Variants in WIPF3 observed in about 807,000 individuals in gnomAD.
The protein encoded by WIPF3 is WAS/WASL interacting protein family member 3, also known as WAS/WASL-interacting protein family member 3.
Under a neutral mutation model 38.9 loss-of-function variants are expected in WIPF3, and 33 were observed. The ratio of observed to expected loss-of-function variants is 0.85; its 90% CI spans 0.64 to 1.14. The LOEUF is 1.14. WIPF3 is among the 50% of genes most tolerant of loss of function. The pLI, the probability that WIPF3 is intolerant of heterozygous loss-of-function variation, is 0.00. For missense variants in WIPF3, 711 were observed against 652.5 expected, an observed-to-expected ratio of 1.09 and a Z score of -0.98; for synonymous variants, 324 against 269.3, an observed-to-expected ratio of 1.20 and a Z score of -1.99.
Position 29,884,263 on chromosome 7 carries a change from C to CG in WIPF3, c.769_770insG (p.Leu257ArgfsTer61). 1.3e-6 allele frequency: 2 copies of CG among 1,506,552 alleles called. No individual in the cohort carries two copies. Among genetic ancestry groups the CG allele is most frequent in the Non-Finnish European group, 1.8e-6 (2 of 1,118,274 alleles). The allele number at this position is 1,506,552 out of a possible 1,614,324, so 93.3% of individuals were successfully genotyped here. A position where few individuals can be genotyped will look rare whatever the true frequency, so the allele number is the denominator to read the frequency against. On this transcript the variant is annotated frameshift_variant, in exon 5 of 9. Transcript: ENST00000242140. LOFTEE classifies it high-confidence loss of function. ...GAAGCCTCAGCTGGCTCCCTTGCAC[C>CG]TCCCGCCCATCCCGCCCCCGCTCCC...
At chr7:29,829,273 C>T (rs148728619) in intron 1 of WIPF3, among the ~76,000 whole-genome samples, 132 of 142,604 alleles carry the variant, frequency 9.3e-4, no homozygotes, top group African/African-American at 3.2e-3. Flanking sequence ...GGTGCAGTGG[C>T]GCAATCTAGG....
intron 1 of WIPF3, among the ~76,000 whole-genome samples, chr7:29,812,929 TA>T (rs905403763): frequency 1.3e-5 from 2 of 152,272 alleles, no homozygotes; most frequent in South Asian, 2.1e-4. Context: ...TAAAGATTCC[TA>T]AATCGCTATT....
At position 29,916,030 on chromosome 7, in the gene WIPF3, C is replaced by T. The variant is rs1303929353; in HGVS notation, c.*1514C>T. 1 of 152,264 alleles carries T rather than the reference C, an allele frequency of 6.6e-6. No homozygotes were observed. The highest frequency in any genetic ancestry group is 1.9e-4 in the East Asian group (1 of 5,198). The allele number at this position is 152,264 out of a possible 1,614,324, so 9.4% of individuals were successfully genotyped here. On this transcript the variant is annotated 3_prime_UTR_variant, in exon 9 of 9. Coordinates refer to ENST00000242140, the MANE Select transcript of WIPF3 (RefSeq NM_001080529.3). ...TCTGCCTCACTGTTGTCTGGAGTAA[C>T]GACTCAGGTGGTGTCCTGCAGCAGT... is the stretch of plus-strand genomic sequence containing the variant.
intron 2 of WIPF3, among the ~76,000 whole-genome samples, chr7:29,842,680 A>G (rs1302596365): frequency 6.6e-6 from 1 of 152,162 alleles, no homozygotes; most frequent in Non-Finnish European, 1.5e-5. Context: ...CAATCTGTGA[A>G]AGAAAATGGA....
intron 2 of WIPF3, among the ~76,000 whole-genome samples, chr7:29,840,216 AC>A (rs1784892234): frequency 6.6e-6 from 1 of 151,960 alleles, no homozygotes; most frequent in South Asian, 2.1e-4. Context: ...AACTTCCTGG[AC>A]CCTGTTGAGC....
chr7:29,910,880 C>T lies in WIPF3; in HGVS notation c.1429-3613C>T, dbSNP rs536713914. Among the ~76,000 whole-genome samples, 11 of 152,218 alleles carry T rather than the reference C, an allele frequency of 7.2e-5. No individual in the cohort carries two copies. In the South Asian group the frequency reaches 1.7e-3, roughly 23 times the overall value. On this transcript the variant is annotated intron_variant, in intron 8 of 8. Coordinates refer to ENST00000242140, the MANE Select transcript of WIPF3 (RefSeq NM_001080529.3). ...ACAAGGCAAGGATGCCTGCTTTCAT[C>T]GCTTCTATTCAACATAGTACTGGAA...
rs201706623 is a variant in WIPF3 at position 29,879,060 on chromosome 7, C to T, written c.275C>T (p.Ala92Val). 1.1e-4 allele frequency: 173 copies of T among 1,608,840 alleles called. No individual in the cohort carries two copies. The highest frequency in any genetic ancestry group is 3.3e-4 in the African/African-American group (25 of 74,998). The change falls in exon 4 of 9, where the codon GCG becomes GTG. Residue 92 changes from alanine (A) to valine (V), a missense_variant. Transcript: ENST00000242140. ...GGAGGTTCTGCAAACACACGAGGCGCGAGCACACCTCCCACCCTGGGAGAT... is the reference window on the plus strand; with the variant it reads ...GGAGGTTCTGCAAACACACGAGGCGTGAGCACACCTCCCACCCTGGGAGAT... Reference protein sequence around the residue: ...EGGGSANTRGASTPPTLGDLF... With the variant: ...EGGGSANTRGVSTPPTLGDLF...
intron 1 of WIPF3, among the ~76,000 whole-genome samples, chr7:29,818,113 T>G (rs1784483351): frequency 6.6e-6 from 1 of 152,184 alleles, no homozygotes; most frequent in Admixed American, 6.5e-5. Context: ...TTTTTGGAGT[T>G]TATTGGTTTG....
chr7:29,914,462 C>T, intron 8 of WIPF3, 31 bp from the exon 9 acceptor site: 1 of 1,481,342 alleles, frequency 6.8e-7, no homozygotes, highest in Non-Finnish European at 9.0e-7. Context: ...CTTCTAACTC[C>T]ACCTGGTAAT....
chr7:29,882,588 G>A (rs1360779481), intron 4 of WIPF3, among the ~76,000 whole-genome samples: 1 of 152,164 alleles, frequency 6.6e-6, no homozygotes, highest in Non-Finnish European at 1.5e-5. Flanking sequence ...GCCGTGCTTT[G>A]ATTGGCCTGG....
rs1785648849 is a variant in WIPF3 at position 29,878,395 on chromosome 7, T to C, written c.224-614T>C. Among the ~76,000 whole-genome samples, 1 of 152,188 alleles carries C rather than the reference T, an allele frequency of 6.6e-6. No individual in the cohort carries two copies. The highest frequency in any genetic ancestry group is 2.4e-5 in the African/African-American group (1 of 41,450). ...TGGTAATCACACATGTCTGGAAGGC[T>C]GGAGTTAGTGACACCTTTCCTCAGG... On this transcript the variant is annotated intron_variant, in intron 3 of 8. Transcript: ENST00000242140. The surrounding 1 kb of genome is among the most constrained non-coding windows in gnomAD (Gnocchi z 4.0).
chr7:29,842,343 T>C (rs1357950947), intron 2 of WIPF3, among the ~76,000 whole-genome samples: 1 of 152,234 alleles, frequency 6.6e-6, no homozygotes, highest in Non-Finnish European at 1.5e-5. Flanking sequence ...CTTTTTACCA[T>C]GAAAAGCAAC....
chr7:29,897,104 G>T (rs1786160581), intron 7 of WIPF3, among the ~76,000 whole-genome samples: 1 of 151,980 alleles, frequency 6.6e-6, no homozygotes, highest in African/African-American at 2.4e-5. Flanking sequence ...TTTTAAGCCT[G>T]GTTTATTTTA....
At chr7:29,841,526 T>C (rs1008340180) in intron 2 of WIPF3, among the ~76,000 whole-genome samples, 1 of 152,160 alleles carries the variant, frequency 6.6e-6, no homozygotes, top group East Asian at 1.9e-4. Flanking sequence ...TAAAATTCAA[T>C]GTTGTCTGGC....
At chr7:29,907,625 G>A (rs1315641809) in intron 8 of WIPF3, among the ~76,000 whole-genome samples, 1 of 152,134 alleles carries the variant, frequency 6.6e-6, no homozygotes, top group Non-Finnish European at 1.5e-5. Flanking sequence ...TATAAAATAG[G>A]CATGAGGGAG....
chr7:29,874,472 A>G (rs2128073207), intron 2 of WIPF3, among the ~76,000 whole-genome samples: 1 of 152,292 alleles, frequency 6.6e-6, no homozygotes, highest in South Asian at 2.1e-4. Flanking sequence ...CAGAGAAAAC[A>G]GTGAATGGCC....
intron 2 of WIPF3, among the ~76,000 whole-genome samples, chr7:29,866,418 C>A (rs1206658418): frequency 1.3e-5 from 2 of 152,216 alleles, no homozygotes; most frequent in African/African-American, 4.8e-5. Context: ...CCAACACTCA[C>A]AAGAGAGAGG....
intron 2 of WIPF3, among the ~76,000 whole-genome samples, chr7:29,874,199 A>G (rs1462302491): frequency 6.6e-6 from 1 of 151,928 alleles, no homozygotes; most frequent in Non-Finnish European, 1.5e-5. Context: ...GACAGCTCTG[A>G]TACCCTGGGT....
At chr7:29,820,725 C>T (rs174927) in intron 1 of WIPF3, among the ~76,000 whole-genome samples, 108,076 of 151,936 alleles carry the variant, frequency 0.71, 38,761 homozygotes, top group East Asian at 0.93. Context: ...ATCACTTTTT[C>T]TTAGTTTTTC....
Sources: gnomAD v4.1 joint callset for allele counts (sites outside exome capture counted in the v4.1 genomes callset) on GRCh38, gnomAD v4.1.1 for gene constraint, Gnocchi (gnomAD v3.1) non-coding constraint, MANE v1.5 for transcripts, NCBI Gene and HGNC (gene_info 2026-07-23, HGNC 2026-07-21) for gene names.